Variants in SLCO1A2 observed in about 807,000 individuals in gnomAD.
SLCO1A2 encodes solute carrier organic anion transporter family member 1A2, also known as OATP-1.
In SLCO1A2, 67 loss-of-function variants were observed where a neutral mutation model predicts 69.0. The ratio of observed to expected loss-of-function variants is 0.97; its 90% CI spans 0.80 to 1.19. The LOEUF (loss-of-function observed/expected upper bound fraction) is 1.19, where lower values mean the gene tolerates loss of function less well. SLCO1A2 is among the 50% of genes most tolerant of loss of function. SLCO1A2 has a pLI of 0.00. For synonymous variants in SLCO1A2, 260 were observed against 265.9 expected, an observed-to-expected ratio of 0.98 and a Z score of 0.22; for missense variants, 787 against 793.7, an observed-to-expected ratio of 0.99 and a Z score of 0.10.
intron 12 of SLCO1A2, among the ~76,000 whole-genome samples, chr12:21,276,553 AACC>A (rs1459009234): frequency 6.6e-6 from 1 of 151,782 alleles, no homozygotes; most frequent in Non-Finnish European, 1.5e-5. Flanking sequence ...TACAAAAAAA[AACC>A]AAAAAAAACC....
intron 1 of SLCO1A2, among the ~76,000 whole-genome samples, chr12:21,394,072 G>T (rs1169905187): frequency 6.6e-6 from 1 of 152,126 alleles, no homozygotes; most frequent in African/African-American, 2.4e-5. Context: ...GACCTTCATA[G>T]AGACAAGATA....
chr12:21,358,294 T>C (rs1256537589), intron 2 of SLCO1A2, among the ~76,000 whole-genome samples: 2 of 152,096 alleles, frequency 1.3e-5, no homozygotes, highest in Non-Finnish European at 2.9e-5. Context: ...ACATAGAAAA[T>C]AGTGTTCTTT....
At chr12:21,333,051 G>A (rs926796995) in intron 2 of SLCO1A2, among the ~76,000 whole-genome samples, 1 of 152,070 alleles carries the variant, frequency 6.6e-6, no homozygotes, top group African/African-American at 2.4e-5. Flanking sequence ...AATACCATTT[G>A]TGGATATTCT....
At chr12:21,346,067 C>T (rs915039687) in intron 2 of SLCO1A2, among the ~76,000 whole-genome samples, 6 of 151,694 alleles carry the variant, frequency 4.0e-5, no homozygotes, top group African/African-American at 7.3e-5. Flanking sequence ...AAAATATACT[C>T]TAAACACTAC....
intron 1 of SLCO1A2, among the ~76,000 whole-genome samples, chr12:21,407,211 A>T (rs1941835626): frequency 2.0e-5 from 3 of 152,212 alleles, no homozygotes; most frequent in African/African-American, 7.2e-5. Flanking sequence ...AGAAGGAAAA[A>T]ATACGTGAAT....
At chr12:21,370,167 T>C (rs908707883) in intron 2 of SLCO1A2, among the ~76,000 whole-genome samples, 2 of 152,186 alleles carry the variant, frequency 1.3e-5, no homozygotes, top group African/African-American at 4.8e-5. Flanking sequence ...CTCTGTAACC[T>C]TAAGCAAGTC....
intron 8 of SLCO1A2, among the ~76,000 whole-genome samples, chr12:21,298,782 G>T (rs949634600): frequency 6.6e-6 from 1 of 152,052 alleles, no homozygotes; most frequent in Non-Finnish European, 1.5e-5. Context: ...ACTGCAAGAG[G>T]TCTATCAGTC....
chr12:21,290,999 G>A (rs1314121266), intron 12 of SLCO1A2, among the ~76,000 whole-genome samples: 2 of 152,056 alleles, frequency 1.3e-5, no homozygotes, highest in South Asian at 4.1e-4. Flanking sequence ...TGAGTAAAGT[G>A]GGTAAAATAA....
rs903269383 is a variant in SLCO1A2, at chr12:21,267,091, G to A, written c.*2457C>T. 1.3e-5 allele frequency: 2 copies of A among 152,046 alleles called. No individual in the cohort carries two copies. The highest frequency in any genetic ancestry group is 6.6e-5 in the Admixed American group (1 of 15,238). 9.4% of individuals were successfully genotyped at this position (152,046 alleles called of 1,614,324 possible). On this transcript the variant is annotated 3_prime_UTR_variant, in exon 15 of 15. Transcript: ENST00000683939. ...TAAGAACTAAACTCCCAGGCTTCAT[G>A]TATACCAACAAAAGAGGTCATGAGG...
intron 2 of SLCO1A2, among the ~76,000 whole-genome samples, chr12:21,354,512 A>G (rs925511582): frequency 4.6e-5 from 7 of 151,520 alleles, no homozygotes; most frequent in African/African-American, 1.7e-4. Context: ...CATTTTCCAG[A>G]AAAAAAAATC....
chr12:21,392,932 C>A lies in SLCO1A2; in HGVS notation c.-190+1974G>T, dbSNP rs977853648. Among the ~76,000 whole-genome samples the A allele has an allele frequency of 2.0e-5, 3 of 152,170 alleles. No individual in the cohort carries two copies. In the East Asian group the frequency reaches 5.8e-4, roughly 29 times the overall value. ...CTAGTCCTTCTTTCCCAACCCTTGA[C>A]CCCTGCATAATTTCCTTTCCAAATG... On this transcript the variant is annotated intron_variant, in intron 1 of 15. Coordinates refer to the SLCO1A2 transcript ENST00000307378.
intron 10 of SLCO1A2, chr12:21,295,306 C>T: frequency 4.0e-6 from 1 of 249,012 alleles, no homozygotes. Flanking sequence ...TAGGTAGTTT[C>T]TTTCATAGGA....
Position 21,273,517 on chromosome 12 carries a change from T to A in SLCO1A2, c.1793+952A>T, listed in dbSNP as rs190683212. Among the ~76,000 whole-genome samples, 5 of 152,328 alleles carry A rather than the reference T, an allele frequency of 3.3e-5. No individual in the cohort carries two copies. The East Asian group carries it at 9.7e-4, about 29-fold the overall frequency. ...ACACCATTTCATTGACCAGTCTAATTGGTCTGACTAACAGAGAATGGAGCC... is the reference window on the plus strand; with the variant it reads ...ACACCATTTCATTGACCAGTCTAATAGGTCTGACTAACAGAGAATGGAGCC... On this transcript the variant is annotated intron_variant, in intron 14 of 14. Coordinates refer to ENST00000683939, the MANE Select transcript of SLCO1A2 (RefSeq NM_001386879.1).
intron 2 of SLCO1A2, among the ~76,000 whole-genome samples, chr12:21,365,734 T>C (rs1001729941): frequency 1.8e-4 from 27 of 151,828 alleles, no homozygotes; most frequent in African/African-American, 6.0e-4. Context: ...AAAAAGTGGG[T>C]GAAGGATATG....
chr12:21,352,599 T>C (rs1010631542), intron 2 of SLCO1A2, among the ~76,000 whole-genome samples: 3 of 152,230 alleles, frequency 2.0e-5, no homozygotes, highest in Admixed American at 6.5e-5. Context: ...AATTAATACC[T>C]GTCATCTGTT....
chr12:21,351,774 G>A (rs1271787990), intron 2 of SLCO1A2, among the ~76,000 whole-genome samples: 5 of 145,050 alleles, frequency 3.4e-5, no homozygotes, highest in Middle Eastern at 3.4e-3. Context: ...GCAAAATTCC[G>A]TCTCAAAAAA....
rs999994501 is a variant in SLCO1A2, at chr12:21,265,497, G to C, written c.*4051C>G. The C allele has an allele frequency of 2.6e-5, 4 of 152,210 alleles. No homozygotes were observed. Among genetic ancestry groups the C allele is most frequent in the African/African-American group, 9.7e-5 (4 of 41,434 alleles). The allele number at this position is 152,210 out of a possible 1,614,324, so 9.4% of individuals were successfully genotyped here. ...CTGAAGGAGCCCTCTGCACAGGACT[G>C]TGTTAACAAATCATCTGCCCTTGAT... On this transcript the variant is annotated 3_prime_UTR_variant, in exon 15 of 15. Coordinates refer to ENST00000683939, the MANE Select transcript of SLCO1A2 (RefSeq NM_001386879.1).
chr12:21,305,228 A>G lies in SLCO1A2; in HGVS notation c.443-655T>C, dbSNP rs1949216225. Among the ~76,000 whole-genome samples the G allele has an allele frequency of 2.0e-5, 3 of 152,228 alleles. No homozygotes were observed. The South Asian group carries it at 6.2e-4, about 32-fold the overall frequency. On this transcript the variant is annotated intron_variant, in intron 5 of 14. Coordinates refer to ENST00000683939, the MANE Select transcript of SLCO1A2 (RefSeq NM_001386879.1). ...GCTGCTTAGTAGAGTAACAAAGACT[A>G]GACCAAAGGGAATAGAAACTGAGAA...
chr12:21,407,584 T>G (rs151145027), intron 1 of SLCO1A2, among the ~76,000 whole-genome samples: 417 of 152,258 alleles, frequency 2.7e-3, no homozygotes, highest in Non-Finnish European at 4.9e-3. Context: ...ACGAATCACT[T>G]GAGCTCAGGA....
Sources: gnomAD v4.1 joint callset for allele counts (sites outside exome capture counted in the v4.1 genomes callset) on GRCh38, gnomAD v4.1.1 for gene constraint, MANE v1.5 for transcripts, NCBI Gene and HGNC (gene_info 2026-07-23, HGNC 2026-07-21) for gene names.